Variants in WWOX observed in about 807,000 individuals in gnomAD.
WWOX encodes the protein WW domain containing oxidoreductase, also known as WW domain-containing oxidoreductase.
Under a neutral mutation model 46.2 loss-of-function variants are expected in WWOX, and 69 were observed. The ratio of observed to expected loss-of-function variants is 1.49; its 90% CI spans 1.23 to 1.82. The LOEUF is 1.82. Ranked by LOEUF, WWOX falls within the 40% of genes most tolerant of loss-of-function variation. The pLI is 0.00. For missense variants in WWOX, 919 were observed against 542.6 expected (o/e 1.69, Z -6.89); for synonymous variants, 359 against 202.6 (o/e 1.77, Z -6.56).
intron 8 of WWOX, among the ~76,000 whole-genome samples, chr16:78,841,966 C>T (rs1310581220): frequency 6.6e-6 from 1 of 152,076 alleles, no homozygotes; most frequent in Non-Finnish European, 1.5e-5. Context: ...ACGTGTGGGA[C>T]ACCCAGCTAT....
intron 8 of WWOX, among the ~76,000 whole-genome samples, chr16:78,658,620 C>G (rs1411642633): frequency 1.3e-5 from 2 of 152,144 alleles, no homozygotes; most frequent in Non-Finnish European, 2.9e-5. Flanking sequence ...CATTCGTCGG[C>G]TTGTGGCAGC....
At chr16:78,621,359 A>G (rs374337348) in intron 8 of WWOX, among the ~76,000 whole-genome samples, 103 of 151,978 alleles carry the variant, frequency 6.8e-4, no homozygotes, top group African/African-American at 2.3e-3. Flanking sequence ...CCTAGTGGGC[A>G]GTTTGCTGCT....
intron 8 of WWOX, among the ~76,000 whole-genome samples, chr16:78,998,320 C>A (rs890715061): frequency 2.6e-5 from 4 of 152,204 alleles, no homozygotes; most frequent in East Asian, 1.9e-4. Context: ...CCCTTCTCCA[C>A]TGGGCTCTGA....
At chr16:79,037,855 G>A (rs916104365) in intron 8 of WWOX, among the ~76,000 whole-genome samples, 3 of 152,146 alleles carry the variant, frequency 2.0e-5, no homozygotes, top group South Asian at 2.1e-4. Context: ...GCTCCTGCCT[G>A]CTCTCTGGGT....
At chr16:78,280,109 C>A (rs983365111) in intron 5 of WWOX, among the ~76,000 whole-genome samples, 2 of 152,328 alleles carry the variant, frequency 1.3e-5, no homozygotes, top group African/African-American at 4.8e-5. Context: ...GCAGGCTCTA[C>A]CCAACTGGGG....
Position 78,702,120 on chromosome 16 carries a change from A to ATATATATATATATATATATATTTATT in WWOX, c.1056+269371_1056+269372insATATATATATATATATATTTATTTAT, listed in dbSNP as rs1207718237. On this transcript the variant is annotated intron_variant, in intron 8 of 8. Coordinates refer to ENST00000566780, the MANE Select transcript of WWOX (RefSeq NM_016373.4). ...TAAAGTTATATATATATATATATAT[A>ATATATATATATATATATATATTTATT]TATTTATTTATTTTCAAGACATGGT... 3.0e-3 allele frequency among the ~76,000 whole-genome samples: 388 copies of ATATATATATATATATATATATTTATT among 129,994 alleles called. 6 individuals carry two copies. The highest frequency in any genetic ancestry group is 0.012 in the African/African-American group (370 of 30,246). The allele number at this position is 129,994 out of a possible 152,430, so 85.3% of individuals were successfully genotyped here.
chr16:78,959,913 T>C (rs1045098960), intron 8 of WWOX, among the ~76,000 whole-genome samples: 4 of 152,184 alleles, frequency 2.6e-5, no homozygotes, highest in African/African-American at 7.2e-5. Context: ...ATCAAGAGTT[T>C]CTAGATGACC....
At chr16:78,679,478 G>T (rs1005284051) in intron 8 of WWOX, among the ~76,000 whole-genome samples, 2 of 152,136 alleles carry the variant, frequency 1.3e-5, no homozygotes, top group African/African-American at 2.4e-5. Flanking sequence ...TTGATCCCGG[G>T]GGGCAGAGGT....
At chr16:79,104,892 G>T (rs538665211) in intron 8 of WWOX, among the ~76,000 whole-genome samples, 3 of 152,300 alleles carry the variant, frequency 2.0e-5, no homozygotes, top group South Asian at 4.1e-4. Context: ...GCCAGAGAAG[G>T]CCCCATCATA....
intron 8 of WWOX, among the ~76,000 whole-genome samples, chr16:78,441,561 G>T (rs2083445076): frequency 6.6e-6 from 1 of 152,116 alleles, no homozygotes; most frequent in Admixed American, 6.5e-5. Flanking sequence ...TGTTTGGAGG[G>T]AATGAATGTA....
intron 8 of WWOX, among the ~76,000 whole-genome samples, chr16:78,986,340 C>T (rs1268797710): frequency 2.6e-5 from 4 of 152,176 alleles, no homozygotes; most frequent in Admixed American, 2.0e-4. Flanking sequence ...CAGTCTGACT[C>T]AGAGCTTTAT....
intron 8 of WWOX, among the ~76,000 whole-genome samples, chr16:78,761,658 G>T (rs76320713): frequency 6.6e-6 from 1 of 152,078 alleles, no homozygotes; most frequent in Non-Finnish European, 1.5e-5. Flanking sequence ...TGGGCCACCC[G>T]GTTGAGTCTG....
intron 8 of WWOX, among the ~76,000 whole-genome samples, chr16:79,053,407 A>T (rs942276586): frequency 6.6e-6 from 1 of 152,186 alleles, no homozygotes; most frequent in African/African-American, 2.4e-5. Context: ...AATTTTAAGT[A>T]CCTAAAGTTG....
chr16:78,821,682 CAG>C (rs1194209899), intron 8 of WWOX, among the ~76,000 whole-genome samples: 3 of 152,178 alleles, frequency 2.0e-5, no homozygotes, highest in Non-Finnish European at 4.4e-5. Context: ...GTGACAAAGA[CAG>C]AGGCTCAGGG....
At chr16:78,603,629 G>A (rs2045676705) in intron 8 of WWOX, among the ~76,000 whole-genome samples, 1 of 152,144 alleles carries the variant, frequency 6.6e-6, no homozygotes, top group African/African-American at 2.4e-5. Context: ...AGGAGGAGGA[G>A]GTTGCAGTGA....
intron 8 of WWOX, among the ~76,000 whole-genome samples, chr16:78,833,681 G>C (rs1451668542): frequency 2.6e-5 from 4 of 152,222 alleles, no homozygotes; most frequent in Non-Finnish European, 4.4e-5. Flanking sequence ...ATGGTGCTTA[G>C]AGATTTCACA....
At position 78,278,521 on chromosome 16, in the gene WWOX, T is replaced by C. The variant is rs188687518; in HGVS notation, c.517-108339T>C. The C allele has an allele frequency of 5.8e-6, 8 of 1,375,322 alleles. 1 individual carries two copies. The highest frequency in any genetic ancestry group is 3.8e-4 in the Middle Eastern group (2 of 5,316). The allele number at this position is 1,375,322 out of a possible 1,614,324, so 85.2% of individuals were successfully genotyped here. A position where few individuals can be genotyped will look rare whatever the true frequency, so the allele number is the denominator to read the frequency against. ...TTGTTAATTAATTAGCAAAAACTTATCTTTGGAATGCTTCAAGAAACAGTT... is the reference window on the plus strand; with the variant it reads ...TTGTTAATTAATTAGCAAAAACTTACCTTTGGAATGCTTCAAGAAACAGTT... On this transcript the variant is annotated intron_variant, in intron 5 of 8. Transcript: ENST00000566780.
intron 5 of WWOX, among the ~76,000 whole-genome samples, chr16:78,230,404 G>A (rs1016440859): frequency 6.6e-6 from 1 of 152,190 alleles, no homozygotes; most frequent in East Asian, 1.9e-4. Flanking sequence ...TTTGACTGTT[G>A]CATCCTTTGA....
chr16:78,866,099 C>G (rs1270501152), intron 8 of WWOX, among the ~76,000 whole-genome samples: 2 of 152,132 alleles, frequency 1.3e-5, no homozygotes, highest in African/African-American at 4.8e-5. Flanking sequence ...TTTTTTAGAG[C>G]AATGAAAAAA....
Sources: gnomAD v4.1 joint callset for allele counts (sites outside exome capture counted in the v4.1 genomes callset) on GRCh38, gnomAD v4.1.1 for gene constraint, MANE v1.5 for transcripts, NCBI Gene and HGNC (gene_info 2026-07-23, HGNC 2026-07-21) for gene names.